Variants in BTK observed in about 807,000 individuals in gnomAD.
BTK encodes Bruton tyrosine kinase.
In BTK, 5 loss-of-function variants were observed where a neutral mutation model predicts 57.4. The observed-to-expected ratio is 0.09, with a 90% CI of 0.05 to 0.18. The LOEUF is 0.18. Ranked by LOEUF, BTK falls within the 10% of genes least tolerant of loss-of-function variation. The pLI, the probability that BTK is intolerant of heterozygous loss-of-function variation, is 1.00. For synonymous variants in BTK, 154 were observed against 174.3 expected (o/e 0.88, Z 0.92); for missense variants, 194 against 501.2 (o/e 0.39, Z 5.85).
chrX:101,390,487 G>A (rs141862637), upstream of BTK: 10,919 of 513,722 alleles, frequency 0.021, 85 homozygotes, highest in Non-Finnish European at 0.029. Context: ...CCTCTCCCCC[G>A]GAACAGTGCC....
At chrX:101,375,056 C>G in intron 2 of BTK, 88 bp downstream of exon 2, 1 of 1,130,593 alleles carries the variant, frequency 8.8e-7, no homozygotes, top group African/African-American at 1.8e-5. Flanking sequence ...CCTCCTCCTA[C>G]CAACGAAAAT....
chrX:101,369,816 C>T (rs1926965048), intron 5 of BTK, among the ~76,000 whole-genome samples, 182 bp downstream of exon 5: 1 of 107,605 alleles, frequency 9.3e-6, no homozygotes, highest in Non-Finnish European at 1.9e-5. Context: ...TGTCTCCCTC[C>T]TCCCCTCCCT....
In BTK at chrX:101,367,106, T is replaced by C. The variant is rs1399134485; in HGVS notation, c.391+2892A>G. ...CAAAGATACAAAAATTAGCCGGGCA[T>C]GATGGTGCACGCCTGTAGTCCCAGC... On this transcript the variant is annotated intron_variant, in intron 5 of 18. Transcript: ENST00000308731. 4.6e-5 allele frequency among the ~76,000 whole-genome samples: 5 copies of C among 108,939 alleles called. No homozygotes were observed. In the East Asian group the frequency reaches 1.5e-3, roughly 32 times the overall value. The allele number at this position is 108,939 out of a possible 115,157, so 94.6% of individuals were successfully genotyped here.
intron 5 of BTK, 52 bp from the exon 6 acceptor site, chrX:101,362,741 C>G: frequency 8.3e-7 from 1 of 1,207,735 alleles, no homozygotes; most frequent in East Asian, 3.0e-5. Flanking sequence ...GAGAAGCCAC[C>G]ATTTGCATGT....
chrX:101,370,344 A>G (rs948347401), intron 4 of BTK, among the ~76,000 whole-genome samples: 1 of 111,832 alleles, frequency 8.9e-6, no homozygotes, highest in African/African-American at 3.2e-5. Context: ...TTCATGCATA[A>G]ACTTATTTTA....
At chrX:101,361,002 G>A (rs782563252) in intron 7 of BTK, among the ~76,000 whole-genome samples, 95 of 111,048 alleles carry the variant, frequency 8.6e-4, no homozygotes, top group African/African-American at 2.9e-3. Context: ...GATCAGTTGA[G>A]GCCAGGAGTT....
Position 101,371,662 on chromosome X carries a change from T to A in BTK, c.280A>T (p.Ile94Phe). ...AAGGGATAAGGGAACCTTTCAATGA[T>A]TGAAATTTGCTCCATTTCACTGGAC... is the stretch of plus-strand genomic sequence containing the variant. The part of the protein sequence containing the change: ...EESSEMEQIS[I>F]IERFPYPFQV... Residue 94 changes from isoleucine to phenylalanine, a missense_variant, in exon 4 of 19, where the codon ATC (isoleucine) becomes TTC (phenylalanine). Physicochemically the swap from Ile to Phe is conservative, Grantham distance 21 (BLOSUM62 0). Transcript: ENST00000308731. The A allele has an allele frequency of 1.7e-6, 2 of 1,211,247 alleles. No individual in the cohort carries two copies. Among genetic ancestry groups the A allele is most frequent in the Non-Finnish European group, 2.2e-6 (2 of 894,921 alleles).
intron 5 of BTK, among the ~76,000 whole-genome samples, chrX:101,368,752 T>C (rs1422393071): frequency 8.9e-6 from 1 of 112,333 alleles, no homozygotes; most frequent in African/African-American, 3.2e-5. Context: ...ATCTGGCACA[T>C]AGCAATAATT....
At chrX:101,367,116 C>T (rs1407556582) in intron 5 of BTK, among the ~76,000 whole-genome samples, 4 of 108,800 alleles carry the variant, frequency 3.7e-5, no homozygotes, top group South Asian at 4.1e-4. Flanking sequence ...TGATGGTGCA[C>T]GCCTGTAGTC....
chrX:101,349,841 GC>G lies in BTK; in HGVS notation c.*43del. 1 of 1,113,492 alleles carries G rather than the reference GC, an allele frequency of 9.0e-7. No homozygotes were observed. Among genetic ancestry groups the G allele is most frequent in the Non-Finnish European group, 1.2e-6 (1 of 806,961 alleles). The allele number at this position is 1,113,492 out of a possible 1,213,427, so 91.8% of individuals were successfully genotyped here. ...TTTCCTCTGAGAAAGTGAAATTGGG[GC>G]TTGTGGAGAAGAGAAGTAGAACCAA... On this transcript the variant is annotated 3_prime_UTR_variant, in exon 19 of 19. Transcript: ENST00000308731.
chrX:101,351,935 G>A (rs1926300009), intron 18 of BTK, among the ~76,000 whole-genome samples: 1 of 111,192 alleles, frequency 9.0e-6, no homozygotes, highest in African/African-American at 3.3e-5. Flanking sequence ...AGGCAGAGGC[G>A]GGTGGATCAC....
At chrX:101,371,820 A>G (rs1555980358) in intron 3 of BTK, 119 bp from the exon 4 acceptor site, 1 of 573,998 alleles carries the variant, frequency 1.7e-6, no homozygotes, top group Non-Finnish European at 3.0e-6. Flanking sequence ...GACAAGGCTG[A>G]TTCTTAGTGA....
chrX:101,353,859 T>C lies in BTK; in HGVS notation c.1750+11A>G, dbSNP rs1449766986. 8.6e-6 allele frequency: 10 copies of C among 1,168,151 alleles called. No homozygotes were observed. Among genetic ancestry groups the C allele is most frequent in the Non-Finnish European group, 1.2e-5 (10 of 856,580 alleles). On this transcript the variant is annotated intron_variant, in intron 17 of 18. Transcript: ENST00000308731. ...TTGAGCTGTATAATCTGTGTAATCT[T>C]ATCCACTTACCAAAAGCCCAAATGT...
intron 1 of BTK, among the ~76,000 whole-genome samples, chrX:101,383,349 C>T (rs183121450): frequency 4.5e-5 from 5 of 111,790 alleles, no homozygotes; most frequent in African/African-American, 1.3e-4. Context: ...TCTATACAAG[C>T]ATCATTTCCA....
intron 1 of BTK, among the ~76,000 whole-genome samples, chrX:101,377,202 A>G (rs1475043013): frequency 9.0e-6 from 1 of 111,159 alleles, no homozygotes; most frequent in Non-Finnish European, 1.9e-5. Flanking sequence ...AGCCCTTCCC[A>G]ACACTCAGTT....
At chrX:101,372,822 G>A (rs1033028927) in intron 3 of BTK, among the ~76,000 whole-genome samples, 2 of 105,525 alleles carry the variant, frequency 1.9e-5, no homozygotes, top group Admixed American at 1.0e-4. Context: ...AGTGGCTCAC[G>A]CCTGTAATCC....
At chrX:101,360,938 G>A (rs1926649329) in intron 7 of BTK, among the ~76,000 whole-genome samples, 183 bp from the exon 8 acceptor site, 2 of 111,545 alleles carry the variant, frequency 1.8e-5, no homozygotes, top group South Asian at 7.5e-4. Context: ...CACATATAAA[G>A]ACCATGTATG....
chrX:101,353,136 G>A (rs1926349938), intron 18 of BTK, 58 bp downstream of exon 18: 2 of 1,111,562 alleles, frequency 1.8e-6, no homozygotes, highest in East Asian at 6.0e-5. Flanking sequence ...TGAATGGCCA[G>A]CTAAATGGGC....
chrX:101,372,137 G>T (rs73250681), intron 3 of BTK, among the ~76,000 whole-genome samples: 17,297 of 111,279 alleles, frequency 0.16, 1,218 homozygotes, highest in Admixed American at 0.25. Flanking sequence ...TCTAATATAA[G>T]GATGAAACTT....
Sources: allele counts gnomAD v4.1 joint callset (sites outside exome capture counted in the v4.1 genomes callset), GRCh38; gene constraint gnomAD v4.1.1; transcripts MANE v1.5; gene names NCBI Gene and HGNC (gene_info 2026-07-23, HGNC 2026-07-21).